GPC6: variants seen among roughly 807,000 people sequenced by gnomAD.
The protein encoded by GPC6 is glypican-6.
Under a neutral mutation model 55.2 loss-of-function variants are expected in GPC6, and 14 were observed. The ratio of observed to expected loss-of-function variants is 0.25; its 90% CI spans 0.17 to 0.40. GPC6 has a LOEUF of 0.40. GPC6 is among the 10% of genes least tolerant of loss of function. The pLI, the probability that GPC6 is intolerant of heterozygous loss-of-function variation, is 1.00. For synonymous variants in GPC6, 278 were observed against 259.6 expected (o/e 1.07, Z -0.68); for missense variants, 641 against 708.5 (o/e 0.90, Z 1.08).
intron 3 of GPC6, among the ~76,000 whole-genome samples, chr13:93,954,684 T>A (rs1174652713): frequency 4.6e-5 from 7 of 152,164 alleles, no homozygotes; most frequent in African/African-American, 1.7e-4. Context: ...CTTGCATGCC[T>A]GTCACAGACC....
intron 3 of GPC6, among the ~76,000 whole-genome samples, chr13:93,979,203 A>T (rs1392872896): frequency 6.6e-6 from 1 of 151,640 alleles, no homozygotes; most frequent in Non-Finnish European, 1.5e-5. Context: ...GACTGAATTT[A>T]TTACTTTAAT....
intron 1 of GPC6, among the ~76,000 whole-genome samples, chr13:93,315,149 TTTA>T (rs61085106): frequency 0.12 from 18,185 of 152,078 alleles, 1,288 homozygotes; most frequent in East Asian, 0.35. Context: ...GTTTGATTTT[TTTA>T]TTAAGATCTA....
At chr13:93,895,217 T>C (rs192933769) in intron 3 of GPC6, among the ~76,000 whole-genome samples, 833 of 74,826 alleles carry the variant, frequency 0.011, 7 homozygotes, top group Non-Finnish European at 0.017. Flanking sequence ...TGTGTGTGTG[T>C]ATGTATGTGT....
chr13:94,219,205 G>T (rs912360914), intron 4 of GPC6, among the ~76,000 whole-genome samples: 3 of 152,106 alleles, frequency 2.0e-5, no homozygotes, highest in African/African-American at 7.2e-5. Flanking sequence ...GAGAGTAAAA[G>T]CTCAGGCTTT....
chr13:93,407,323 G>C (rs1454252920), intron 1 of GPC6, among the ~76,000 whole-genome samples: 1 of 151,942 alleles, frequency 6.6e-6, no homozygotes, highest in African/African-American at 2.4e-5. Context: ...AAATCTAGGT[G>C]GTGGGTCACA....
chr13:93,747,517 C>T (rs1884436961), intron 2 of GPC6, among the ~76,000 whole-genome samples: 1 of 152,200 alleles, frequency 6.6e-6, no homozygotes, highest in Non-Finnish European at 1.5e-5. Flanking sequence ...TTCCCATCAT[C>T]CAGCAATTAA....
At chr13:94,019,189 CAG>C (rs1303872550) in intron 3 of GPC6, among the ~76,000 whole-genome samples, 1 of 152,072 alleles carries the variant, frequency 6.6e-6, no homozygotes, top group African/African-American at 2.4e-5. Flanking sequence ...CCATCTGGTC[CAG>C]AGTTTTTCTT....
intron 3 of GPC6, among the ~76,000 whole-genome samples, chr13:93,979,193 G>C (rs1880660029): frequency 6.6e-6 from 1 of 152,004 alleles, no homozygotes; most frequent in Non-Finnish European, 1.5e-5. Flanking sequence ...CATGGGGTGT[G>C]ACTGAATTTA....
At position 94,382,555 on chromosome 13, in the gene GPC6, G is replaced by A. The variant is rs1880210594; in HGVS notation, c.1289+5G>A. On this transcript the variant is annotated splice_donor_5th_base_variant and intron_variant, in intron 7 of 8. Transcript: ENST00000377047. ...GAACGGGCACAGCAAAGCCAGGTGA[G>A]GGTGACTCGATGTGTGCATGGATGG... 1 of 1,614,072 alleles carries A rather than the reference G, an allele frequency of 6.2e-7. No individual in the cohort carries two copies. The highest frequency in any genetic ancestry group is 8.5e-7 in the Non-Finnish European group (1 of 1,180,032).
chr13:94,187,951 T>C (rs1333870350), intron 4 of GPC6: 2 of 152,224 alleles, frequency 1.3e-5, no homozygotes, highest in East Asian at 1.9e-4. Flanking sequence ...TTTTATGGGG[T>C]ACATTATCTC....
intron 4 of GPC6, among the ~76,000 whole-genome samples, chr13:94,207,541 G>GA (rs1371477591): frequency 6.6e-6 from 1 of 152,154 alleles, no homozygotes; most frequent in African/African-American, 2.4e-5. Flanking sequence ...ATGACAAGTG[G>GA]CATTTGGCTT....
intron 1 of GPC6, among the ~76,000 whole-genome samples, chr13:93,505,694 C>T (rs150670356): frequency 2.0e-4 from 31 of 152,214 alleles, no homozygotes; most frequent in African/African-American, 7.5e-4. Context: ...ATATATGGCA[C>T]TAAATAGACC....
chr13:93,727,310 G>T (rs1883678136), intron 2 of GPC6, among the ~76,000 whole-genome samples: 1 of 152,092 alleles, frequency 6.6e-6, no homozygotes, highest in Non-Finnish European at 1.5e-5. Flanking sequence ...CTGACCACTG[G>T]CTACAGAATA....
intron 2 of GPC6, among the ~76,000 whole-genome samples, chr13:93,661,433 T>G (rs950635332): frequency 6.6e-6 from 1 of 152,116 alleles, no homozygotes; most frequent in Non-Finnish European, 1.5e-5. Flanking sequence ...AGGCTGGTCT[T>G]GAATCCCTGA....
At chr13:93,459,766 G>A (rs902826288) in intron 1 of GPC6, among the ~76,000 whole-genome samples, 5 of 152,026 alleles carry the variant, frequency 3.3e-5, no homozygotes, top group Non-Finnish European at 5.9e-5. Flanking sequence ...AAAATTTCCC[G>A]ACACAGTTAA....
At chr13:93,501,896 A>T (rs115606697) in intron 1 of GPC6, among the ~76,000 whole-genome samples, 1,533 of 152,262 alleles carry the variant, frequency 0.01, 23 homozygotes, top group African/African-American at 0.036. Flanking sequence ...CAGTTTTCAG[A>T]TAACTAAAGC....
At chr13:93,923,975 T>C (rs541133224) in intron 3 of GPC6, among the ~76,000 whole-genome samples, 1 of 152,116 alleles carries the variant, frequency 6.6e-6, no homozygotes, top group South Asian at 2.1e-4. Context: ...ATGGAATGGA[T>C]GTGGAATGGA....
chr13:93,523,025 A>G (rs1473443350), intron 1 of GPC6, among the ~76,000 whole-genome samples: 1 of 149,034 alleles, frequency 6.7e-6, no homozygotes, highest in African/African-American at 2.5e-5. Flanking sequence ...ATATATATAT[A>G]TATATACAAA....
In GPC6 at chr13:94,403,237, T is replaced by C. The variant is rs1881227926; in HGVS notation, c.*20T>C. ...AGATAATCTTGGGTTTTTGGTCAGA[T>C]GAAACTGCATTTTAGCTATCTGAAT... On this transcript the variant is annotated 3_prime_UTR_variant, in exon 9 of 9. Coordinates refer to ENST00000377047, the MANE Select transcript of GPC6 (RefSeq NM_005708.5). 1 of 1,549,506 alleles carries C rather than the reference T, an allele frequency of 6.5e-7. No individual in the cohort carries two copies. The highest frequency in any genetic ancestry group is 8.9e-7 in the Non-Finnish European group (1 of 1,122,392).
Sources: gnomAD v4.1 joint callset for allele counts (sites outside exome capture counted in the v4.1 genomes callset) on GRCh38, gnomAD v4.1.1 for gene constraint, MANE v1.5 for transcripts, NCBI Gene and HGNC (gene_info 2026-07-23, HGNC 2026-07-21) for gene names.